Variants in ANKRD6 observed in about 807,000 individuals in gnomAD.
The protein encoded by ANKRD6 is ankyrin repeat domain 6.
ANKRD6 carries 56 observed loss-of-function variants against 82.3 expected under a neutral mutation model. The ratio of observed to expected loss-of-function variants is 0.68; its 90% confidence interval spans 0.55 to 0.85. The LOEUF (loss-of-function observed/expected upper bound fraction) is 0.85, where lower values mean the gene tolerates loss of function less well. Ranked by LOEUF, ANKRD6 falls within the 40% of genes least tolerant of loss-of-function variation. The pLI is 0.00. For synonymous variants in ANKRD6, 347 were observed against 352.1 expected (o/e 0.99, Z 0.16); for missense variants, 852 against 907.6 (o/e 0.94, Z 0.79).
chr6:89,596,233 C>T (rs2128154542), intron 3 of ANKRD6, among the ~76,000 whole-genome samples: 1 of 152,214 alleles, frequency 6.6e-6, no homozygotes, highest in African/African-American at 2.4e-5. Context: ...TGGGGTGGTT[C>T]TCCATCATGG....
intron 1 of ANKRD6, among the ~76,000 whole-genome samples, chr6:89,532,846 C>T (rs1783343625): frequency 6.6e-6 from 1 of 151,906 alleles, no homozygotes; most frequent in Non-Finnish European, 1.5e-5. Flanking sequence ...GGATCACAGC[C>T]ATGTGCCACC....
intron 1 of ANKRD6, among the ~76,000 whole-genome samples, chr6:89,540,961 C>G (rs1784380851): frequency 6.6e-6 from 1 of 151,882 alleles, no homozygotes; most frequent in African/African-American, 2.4e-5. Flanking sequence ...TTTCTGGGTT[C>G]CCTATTCTGT....
At chr6:89,504,993 T>C (rs1048980914) in intron 1 of ANKRD6, 1 of 152,262 alleles carries the variant, frequency 6.6e-6, no homozygotes, top group Non-Finnish European at 1.5e-5. Context: ...ATGAGTCACA[T>C]GTGTCCACAG....
At chr6:89,528,551 A>G (rs957202139) in intron 1 of ANKRD6, among the ~76,000 whole-genome samples, 4 of 152,234 alleles carry the variant, frequency 2.6e-5, no homozygotes, top group Non-Finnish European at 5.9e-5. Flanking sequence ...CATGAGGGTT[A>G]GAATCAACTT....
Position 89,537,276 on chromosome 6 carries a change from A to G in ANKRD6, c.-143-29558A>G, listed in dbSNP as rs190094215. On this transcript the variant is annotated intron_variant, in intron 1 of 15. Transcript: ENST00000339746. ...AATAATTAAAATGAGCATGAGGCTG[A>G]CCTAGCAAGGAAAGCCCCATTGCAG... Among the ~76,000 whole-genome samples, 234 of 152,292 alleles carry G rather than the reference A, an allele frequency of 1.5e-3. 2 individuals are homozygous for G. Among genetic ancestry groups the G allele is most frequent in the African/African-American group, 5.4e-3 (224 of 41,552 alleles).
At chr6:89,486,973 G>A (rs1777450225) in intron 1 of ANKRD6, among the ~76,000 whole-genome samples, 1 of 152,140 alleles carries the variant, frequency 6.6e-6, no homozygotes, top group Non-Finnish European at 1.5e-5. Context: ...TATGAATTTG[G>A]GGTTGGGGGG....
intron 1 of ANKRD6, among the ~76,000 whole-genome samples, chr6:89,454,501 G>A (rs1229666949): frequency 2.6e-5 from 4 of 152,200 alleles, no homozygotes; most frequent in African/African-American, 4.8e-5. Flanking sequence ...CAGAGACTTG[G>A]AAAGGAGTGA....
At chr6:89,608,368 C>CACACACACTATATATATATATATATA in intron 5 of ANKRD6, among the ~76,000 whole-genome samples, 3 of 130,750 alleles carry the variant, frequency 2.3e-5, no homozygotes, top group African/African-American at 9.2e-5. Flanking sequence ...CACACACACA[C>CACACACACTATATATATATATATATA]TATATATATA....
At chr6:89,620,428 T>G (rs1224557574) in intron 9 of ANKRD6, among the ~76,000 whole-genome samples, 1 of 152,248 alleles carries the variant, frequency 6.6e-6, no homozygotes, top group African/African-American at 2.4e-5. Context: ...TGGTGCTGTA[T>G]TAAGAGTCCA....
At chr6:89,517,645 CATTATTATAATTT>C (rs1371215167) in intron 1 of ANKRD6, among the ~76,000 whole-genome samples, 1 of 152,170 alleles carries the variant, frequency 6.6e-6, no homozygotes, top group Non-Finnish European at 1.5e-5. Context: ...TCAACATGAT[CATTATTATAATTT>C]ATAGGAAAAA....
intron 1 of ANKRD6, among the ~76,000 whole-genome samples, chr6:89,443,210 GCAC>G: frequency 6.6e-6 from 1 of 152,134 alleles, no homozygotes; most frequent in South Asian, 2.1e-4. Flanking sequence ...GTATAATGAA[GCAC>G]ATCTGCTTCC....
intron 1 of ANKRD6, among the ~76,000 whole-genome samples, chr6:89,453,955 C>G (rs1213226821): frequency 2.6e-5 from 4 of 152,024 alleles, no homozygotes; most frequent in Non-Finnish European, 4.4e-5. Context: ...GCACCTGCCA[C>G]CACGCCCGGC....
chr6:89,564,642 T>C (rs1788080905), intron 1 of ANKRD6, among the ~76,000 whole-genome samples: 1 of 152,068 alleles, frequency 6.6e-6, no homozygotes, highest in African/African-American at 2.4e-5. Flanking sequence ...GTGGAGCTTG[T>C]GACCTCAACT....
intron 1 of ANKRD6, among the ~76,000 whole-genome samples, chr6:89,564,886 G>A (rs1788144998): frequency 6.6e-6 from 1 of 152,136 alleles, no homozygotes; most frequent in South Asian, 2.1e-4. Context: ...GCTGTGGAAG[G>A]GAGATCATTT....
intron 1 of ANKRD6, among the ~76,000 whole-genome samples, chr6:89,469,739 T>C (rs886822536): frequency 4.6e-4 from 70 of 152,340 alleles, no homozygotes; most frequent in African/African-American, 1.7e-3. Flanking sequence ...TTTACATTTG[T>C]GGACCCTTAT....
At chr6:89,582,263 C>A (rs968833363) in intron 2 of ANKRD6, among the ~76,000 whole-genome samples, 1 of 152,082 alleles carries the variant, frequency 6.6e-6, no homozygotes, top group Non-Finnish European at 1.5e-5. Context: ...ATTAATTGCC[C>A]AAGCTGGTCT....
rs1562490280 is a variant in ANKRD6, at chr6:89,433,570, G to A, written c.-144+195G>A. Among the ~76,000 whole-genome samples, 1 of 152,054 alleles carries A rather than the reference G, an allele frequency of 6.6e-6. No homozygotes were observed. The highest frequency in any genetic ancestry group is 1.5e-5 in the Non-Finnish European group (1 of 67,974). On this transcript the variant is annotated intron_variant, in intron 1 of 15. Transcript: ENST00000339746. The surrounding 1 kb of genome is among the most constrained non-coding windows in gnomAD (Gnocchi z 4.3). Reference sequence around the variant, plus strand: ...GCCTCCGAAAACGCCCGGCGCGAGGGGGTCCCCCCGGGGCGCCTCCCTCTT... The same window carrying A: ...GCCTCCGAAAACGCCCGGCGCGAGGAGGTCCCCCCGGGGCGCCTCCCTCTT...
intron 1 of ANKRD6, among the ~76,000 whole-genome samples, chr6:89,500,738 G>A (rs902053077): frequency 1.3e-5 from 2 of 152,146 alleles, no homozygotes; most frequent in Middle Eastern, 3.2e-3. Flanking sequence ...AAAGTTAATT[G>A]CTATTCTCAT....
At chr6:89,619,441 T>C (rs1328594678) in intron 9 of ANKRD6, among the ~76,000 whole-genome samples, 5 of 152,186 alleles carry the variant, frequency 3.3e-5, no homozygotes, top group African/African-American at 1.2e-4. Flanking sequence ...TCCCCAGGCA[T>C]AGAAAGATTG....
Sources: allele counts gnomAD v4.1 joint callset (sites outside exome capture counted in the v4.1 genomes callset), GRCh38; gene constraint gnomAD v4.1.1; non-coding constraint Gnocchi (gnomAD v3.1); transcripts MANE v1.5; gene names NCBI Gene and HGNC (gene_info 2026-07-23, HGNC 2026-07-21).